The following SGMS2 variants were observed in gnomAD, a reference collection of about 807,000 sequenced individuals.
The protein encoded by SGMS2 is sphingomyelin synthase 2.
Under a neutral mutation model 43.8 loss-of-function variants are expected in SGMS2, and 21 were observed. That is an observed-to-expected ratio of 0.48 (90% CI 0.34 to 0.69). The LOEUF is 0.69. SGMS2 is among the 30% of genes least tolerant of loss of function. SGMS2 has a pLI of 0.01. For missense variants in SGMS2, 384 were observed against 443.2 expected, an observed-to-expected ratio of 0.87 and a Z score of 1.20; for synonymous variants, 167 against 160.6, an observed-to-expected ratio of 1.04 and a Z score of -0.30.
At chr4:107,898,278 C>G (rs944989625) in intron 3 of SGMS2, among the ~76,000 whole-genome samples, 3 of 151,094 alleles carry the variant, frequency 2.0e-5, no homozygotes, top group Admixed American at 2.0e-4. Context: ...TTTTTTGACC[C>G]CAGAAACCTT....
intron 2 of SGMS2, among the ~76,000 whole-genome samples, chr4:107,878,987 C>T (rs930414231): frequency 6.6e-6 from 1 of 152,230 alleles, no homozygotes; most frequent in South Asian, 2.1e-4. Context: ...GACTGCAGAT[C>T]ATCCCTGCTT....
chr4:107,909,128 CAG>C (rs1259214551), intron 6 of SGMS2, among the ~76,000 whole-genome samples: 1 of 146,464 alleles, frequency 6.8e-6, no homozygotes, highest in African/African-American at 2.5e-5. Flanking sequence ...TTTTTTGAGA[CAG>C]AGTCTTGTTC....
intron 3 of SGMS2, 136 bp downstream of exon 3, chr4:107,896,144 G>C: frequency 1.3e-6 from 1 of 794,040 alleles, no homozygotes; most frequent in Non-Finnish European, 2.0e-6. Context: ...GAAAACAGTA[G>C]AAAGCTCTAC....
At chr4:107,851,179 C>T (rs1173639654) in intron 1 of SGMS2, among the ~76,000 whole-genome samples, 3 of 152,246 alleles carry the variant, frequency 2.0e-5, no homozygotes, top group African/African-American at 7.2e-5. Flanking sequence ...ATATTGGAAG[C>T]CTGCAGGGTG....
intron 1 of SGMS2, among the ~76,000 whole-genome samples, chr4:107,829,143 C>T (rs1341110373): frequency 6.6e-6 from 1 of 152,124 alleles, no homozygotes; most frequent in African/African-American, 2.4e-5. Context: ...TAAGTTCCAT[C>T]CATTTTAAAT....
At chr4:107,863,421 C>G (rs771499029) in intron 2 of SGMS2, 10 of 152,236 alleles carry the variant, frequency 6.6e-5, no homozygotes, top group South Asian at 2.1e-4. Context: ...TAGACAGCTC[C>G]TTGAGAGGTG....
chr4:107,887,879 CATAAG>C (rs1729880736), intron 2 of SGMS2, among the ~76,000 whole-genome samples: 1 of 152,046 alleles, frequency 6.6e-6, no homozygotes, highest in Non-Finnish European at 1.5e-5. Context: ...TAATTTTGAC[CATAAG>C]ATAAAACTTC....
In SGMS2 at chr4:107,881,762, C is replaced by T. The variant is rs1729374333; in HGVS notation, c.-244-13548C>T. On this transcript the variant is annotated intron_variant, in intron 2 of 6. Coordinates refer to ENST00000690982, the MANE Select transcript of SGMS2 (RefSeq NM_001375905.1). ...ATCTCTACTTCACCCGCCCTGCCAC[C>T]CACCACTACTCTTCCCAGCCTCTGG... Among the ~76,000 whole-genome samples, 3 of 152,218 alleles carry T rather than the reference C, an allele frequency of 2.0e-5. No individual in the cohort carries two copies. In the South Asian group the frequency reaches 6.2e-4, roughly 32 times the overall value.
chr4:107,903,445 C>A lies in SGMS2; in HGVS notation c.727+59C>A, dbSNP rs754203088. 5.8e-6 allele frequency: 9 copies of A among 1,540,930 alleles called. No homozygotes were observed. The South Asian group carries it at 1.0e-4, about 18-fold the overall frequency. On this transcript the variant is annotated intron_variant, in intron 5 of 6. Transcript: ENST00000690982. The stretch of plus-strand genomic sequence containing the variant: ...CTGTAGTGGGAGGGATCCCTGGGCC[C>A]TGAAATTGATAGGAGCCCTTATTCT...
chr4:107,829,547 A>G lies in SGMS2; in HGVS notation c.-327+4294A>G, dbSNP rs1199477384. ...GTCAAATCAGATAATGAGTTATTTT[A>G]TAATTGGTTTCCCCTCTATTGACAA... On this transcript the variant is annotated intron_variant, in intron 1 of 6. Coordinates refer to ENST00000690982, the MANE Select transcript of SGMS2 (RefSeq NM_001375905.1). Among the ~76,000 whole-genome samples, 4 of 152,328 alleles carry G rather than the reference A, an allele frequency of 2.6e-5. No homozygotes were observed. In the East Asian group the frequency reaches 7.7e-4, roughly 29 times the overall value.
In SGMS2 at chr4:107,903,399, C is replaced by T; in HGVS notation, c.727+13C>T. The T allele has an allele frequency of 6.2e-7, 1 of 1,613,230 alleles. No individual in the cohort carries two copies. The highest frequency in any genetic ancestry group is 8.5e-7 in the Non-Finnish European group (1 of 1,179,522). ...TTCATCAAAGAATGTAAGTAATAGCCCATTCCCACTGAACTGATAGCTGTA... is the reference window on the plus strand; with the variant it reads ...TTCATCAAAGAATGTAAGTAATAGCTCATTCCCACTGAACTGATAGCTGTA... On this transcript the variant is annotated intron_variant, in intron 5 of 6. Transcript: ENST00000690982.
intron 1 of SGMS2, among the ~76,000 whole-genome samples, chr4:107,847,460 T>C (rs1280261357): frequency 6.6e-6 from 1 of 151,992 alleles, no homozygotes; most frequent in Non-Finnish European, 1.5e-5. Context: ...TCTGTTCTGT[T>C]CCATTGATCT....
rs1475124105 is a variant in SGMS2, at chr4:107,913,762, TA to T, written c.*3210del. On this transcript the variant is annotated 3_prime_UTR_variant, in exon 7 of 7. Transcript: ENST00000690982. ...GATCACAATCATTAGTGTCTCCCTT[TA>T]TAACGACCTATGTTTTGTTTACTTT... 6.6e-6 allele frequency: 1 copy of T among 152,160 alleles called. No homozygotes were observed. The highest frequency in any genetic ancestry group is 2.4e-5 in the African/African-American group (1 of 41,464). The allele number at this position is 152,160 out of a possible 1,614,324, so 9.4% of individuals were successfully genotyped here.
At chr4:107,827,831 G>A (rs1725678332) in intron 1 of SGMS2, among the ~76,000 whole-genome samples, 1 of 151,890 alleles carries the variant, frequency 6.6e-6, no homozygotes, top group Non-Finnish European at 1.5e-5. Flanking sequence ...ACTAAAAATA[G>A]AAAAATTAGC....
chr4:107,881,241 A>G (rs12501504), intron 2 of SGMS2, among the ~76,000 whole-genome samples: 4,466 of 152,144 alleles, frequency 0.029, 132 homozygotes, highest in East Asian at 0.1. Context: ...ATCTAAAATA[A>G]AAGTTGAAAT....
intron 1 of SGMS2, among the ~76,000 whole-genome samples, chr4:107,850,913 G>C (rs73838245): frequency 0.012 from 1,771 of 152,186 alleles, 32 homozygotes; most frequent in African/African-American, 0.04. Context: ...AACCTTCTAC[G>C]AGTGTACCCC....
chr4:107,901,921 T>C (rs1731143340), intron 4 of SGMS2, among the ~76,000 whole-genome samples: 1 of 151,874 alleles, frequency 6.6e-6, no homozygotes, highest in South Asian at 2.1e-4. Flanking sequence ...TTTTTTTTTT[T>C]TCTGAGATGA....
chr4:107,830,025 C>G (rs765710384), intron 1 of SGMS2, among the ~76,000 whole-genome samples: 3 of 152,170 alleles, frequency 2.0e-5, no homozygotes, highest in African/African-American at 7.2e-5. Context: ...TCTTCACCCT[C>G]CTCCCACCCT....
intron 2 of SGMS2, among the ~76,000 whole-genome samples, chr4:107,885,332 G>C (rs989178005): frequency 6.6e-6 from 1 of 151,950 alleles, no homozygotes; most frequent in Non-Finnish European, 1.5e-5. Context: ...AAAAGGAAAA[G>C]ACATTATTAT....
Sources: gnomAD v4.1 joint callset for allele counts (sites outside exome capture counted in the v4.1 genomes callset) on GRCh38, gnomAD v4.1.1 for gene constraint, MANE v1.5 for transcripts, NCBI Gene and HGNC (gene_info 2026-07-23, HGNC 2026-07-21) for gene names.